The following AKR1B15 variants were observed in gnomAD, a reference collection of about 807,000 sequenced individuals.
AKR1B15 encodes the protein aldo-keto reductase family 1 member B15, also known as estradiol 17-beta-dehydrogenase AKR1B15.
Under a neutral mutation model 38.5 loss-of-function variants are expected in AKR1B15, and 49 were observed. The observed-to-expected ratio is 1.27, with a 90% CI of 1.01 to 1.62. AKR1B15 has a LOEUF of 1.62. Among genes scored for constraint, AKR1B15 ranks in the 40% most tolerant of loss-of-function variants. AKR1B15 has a pLI of 0.00. For synonymous variants in AKR1B15, 137 were observed against 135.5 expected, an observed-to-expected ratio of 1.01 and a Z score of -0.08; for missense variants, 411 against 381.6, an observed-to-expected ratio of 1.08 and a Z score of -0.64.
chr7:134,577,690 T>C lies in AKR1B15; in HGVS notation c.910-14T>C. 6.2e-7 allele frequency: 1 copy of C among 1,612,904 alleles called. No homozygotes were observed. Among genetic ancestry groups the C allele is most frequent in the South Asian group, 1.1e-5 (1 of 90,750 alleles). On this transcript the variant is annotated splice_polypyrimidine_tract_variant and intron_variant, in intron 10 of 11. Transcript: ENST00000457545. ...AGCCTTACCGATAATGTATTGGAAT[T>C]CTTTCCTTTCTAGGTCTTTGACTTT...
At chr7:134,557,206 C>T (rs922199942) in intron 2 of AKR1B15, among the ~76,000 whole-genome samples, 9 of 152,146 alleles carry the variant, frequency 5.9e-5, no homozygotes, top group African/African-American at 2.2e-4. Flanking sequence ...CCCCCTTCTC[C>T]TCCTCTTGTT....
At chr7:134,570,448 C>T (rs1794644630) in intron 5 of AKR1B15, 1 of 152,118 alleles carries the variant, frequency 6.6e-6, no homozygotes, top group African/African-American at 2.4e-5. Context: ...TTTTGAAAAT[C>T]ACTAATAAAA....
At chr7:134,562,870 C>CT (rs1211217197) in intron 2 of AKR1B15, among the ~76,000 whole-genome samples, 3 of 141,836 alleles carry the variant, frequency 2.1e-5, no homozygotes, top group African/African-American at 8.2e-5. Context: ...TTCTTTCTTT[C>CT]TTTCTTTCTT....
chr7:134,577,009 A>T lies in AKR1B15; in HGVS notation c.872A>T (p.Lys291Met). The T allele has an allele frequency of 6.2e-7, 1 of 1,613,974 alleles. No individual in the cohort carries two copies. Among genetic ancestry groups the T allele is most frequent in the Non-Finnish European group, 8.5e-7 (1 of 1,179,872 alleles). ...HIQRNVTVIP[K>M]SMTPAHIVEN... is the part of the protein sequence containing the mutation. ...CAGAGGAATGTGACAGTGATCCCCAAGTCTATGACACCAGCACACATTGTT... is the reference window on the plus strand; with the variant it reads ...CAGAGGAATGTGACAGTGATCCCCATGTCTATGACACCAGCACACATTGTT... Residue 291 changes from lysine to methionine, a missense_variant, in exon 10 of 12, where the codon AAG becomes ATG. Coordinates refer to ENST00000457545, the MANE Select transcript of AKR1B15 (RefSeq NM_001080538.3).
At chr7:134,553,580 G>A (rs1466135469) in intron 1 of AKR1B15, among the ~76,000 whole-genome samples, 63 of 152,184 alleles carry the variant, frequency 4.1e-4, no homozygotes, top group South Asian at 2.1e-4. Context: ...TAACCCTTAC[G>A]GCTCCTCATG....
chr7:134,576,037 A>G (rs1794762642), intron 8 of AKR1B15, 110 bp downstream of exon 8: 2 of 1,492,504 alleles, frequency 1.3e-6, no homozygotes, highest in Non-Finnish European at 1.8e-6. Flanking sequence ...AAATGTGTGT[A>G]AGGTAACACG....
At chr7:134,570,549 G>A (rs767869450) in intron 5 of AKR1B15, 1 of 152,086 alleles carries the variant, frequency 6.6e-6, no homozygotes. Flanking sequence ...TTCTCTCTTT[G>A]TAATCTTTCC....
chr7:134,555,013 A>G (rs532939435), intron 1 of AKR1B15, among the ~76,000 whole-genome samples: 8 of 152,330 alleles, frequency 5.3e-5, no homozygotes, highest in African/African-American at 1.7e-4. Context: ...AAAACTAGGT[A>G]AAGCTCCTTC....
At chr7:134,560,859 C>G (rs537957854) in intron 2 of AKR1B15, among the ~76,000 whole-genome samples, 47 of 152,358 alleles carry the variant, frequency 3.1e-4, no homozygotes, top group African/African-American at 1.1e-3. Context: ...GAACAACTGC[C>G]TGTCCAACCT....
At chr7:134,561,014 C>T (rs988995004) in intron 2 of AKR1B15, among the ~76,000 whole-genome samples, 5 of 152,290 alleles carry the variant, frequency 3.3e-5, no homozygotes, top group South Asian at 4.1e-4. Context: ...GGCATGCATA[C>T]TCCCATTGCA....
chr7:134,562,455 C>T (rs1211319457), intron 2 of AKR1B15, among the ~76,000 whole-genome samples: 1 of 151,794 alleles, frequency 6.6e-6, no homozygotes, highest in Non-Finnish European at 1.5e-5. Context: ...GCTGATTGGT[C>T]TATTTTACAG....
At chr7:134,578,276 G>A (rs765379217) in intron 11 of AKR1B15, among the ~76,000 whole-genome samples, 1 of 152,180 alleles carries the variant, frequency 6.6e-6, no homozygotes, top group African/African-American at 2.4e-5. Flanking sequence ...AGGTGGTAGT[G>A]GGACTGATCC....
chr7:134,574,063 ATTT>A (rs11366036), intron 6 of AKR1B15, among the ~76,000 whole-genome samples: 8 of 150,622 alleles, frequency 5.3e-5, no homozygotes, highest in African/African-American at 2.0e-4. Flanking sequence ...ATTAAAACAA[ATTT>A]TTTTTTTTGG....
intron 1 of AKR1B15, among the ~76,000 whole-genome samples, chr7:134,550,710 A>G (rs1793937557): frequency 6.6e-6 from 1 of 152,216 alleles, no homozygotes; most frequent in Non-Finnish European, 1.5e-5. Flanking sequence ...CCTCCAGAAT[A>G]GTAAACTCTT....
rs541835536 is a variant in AKR1B15 at position 134,550,610 on chromosome 7, A to G, written c.-147+1361A>G. Among the ~76,000 whole-genome samples the G allele has an allele frequency of 1.0e-3, 153 of 152,224 alleles. 1 individual carries two copies. The highest frequency in any genetic ancestry group is 1.8e-3 in the Non-Finnish European group (120 of 68,016). The stretch of plus-strand genomic sequence containing the variant: ...TTTTCCTACTTCTTCTAGCTATAAT[A>G]CTTCTGTTCTTCTGATACCATAGCC... On this transcript the variant is annotated intron_variant, in intron 1 of 11. Coordinates refer to ENST00000457545, the MANE Select transcript of AKR1B15 (RefSeq NM_001080538.3).
chr7:134,552,506 T>C (rs1585775753), intron 1 of AKR1B15, among the ~76,000 whole-genome samples: 1 of 152,120 alleles, frequency 6.6e-6, no homozygotes, highest in Non-Finnish European at 1.5e-5. Flanking sequence ...TTAATCCTCA[T>C]ATTCAGCAAC....
chr7:134,579,826 A>G lies in AKR1B15; in HGVS notation c.*277A>G, dbSNP rs1165845417. ...CTGTTAAGCACCAGAAACTCTGCCA[A>G]CACTGAGGATGTAAAGATAAATAAT... On this transcript the variant is annotated 3_prime_UTR_variant, in exon 12 of 12. Transcript: ENST00000457545. The G allele has an allele frequency of 2.8e-6, 1 of 359,588 alleles. No individual in the cohort carries two copies. The highest frequency in any genetic ancestry group is 4.9e-6 in the Non-Finnish European group (1 of 202,030). The allele number at this position is 359,588 out of a possible 1,614,324, so 22.3% of individuals were successfully genotyped here. A position where few individuals can be genotyped will look rare whatever the true frequency, so the allele number is the denominator to read the frequency against.
intron 6 of AKR1B15, among the ~76,000 whole-genome samples, chr7:134,574,082 A>T (rs1052796979): frequency 6.6e-6 from 1 of 151,998 alleles, no homozygotes; most frequent in East Asian, 1.9e-4. Flanking sequence ...TTTGGTAGAG[A>T]CAGAGTCTTG....
intron 2 of AKR1B15, among the ~76,000 whole-genome samples, chr7:134,562,850 CTT>C (rs1313806386): frequency 9.4e-6 from 1 of 106,214 alleles, no homozygotes; most frequent in African/African-American, 4.9e-5. Context: ...TTCTTTCTTT[CTT>C]TCTTTCTTTC....
Sources: allele counts gnomAD v4.1 joint callset (sites outside exome capture counted in the v4.1 genomes callset), GRCh38; gene constraint gnomAD v4.1.1; transcripts MANE v1.5; gene names NCBI Gene and HGNC (gene_info 2026-07-23, HGNC 2026-07-21).